ESRRG: variants seen among roughly 807,000 people sequenced by gnomAD.
ESRRG encodes the protein estrogen-related receptor gamma.
ESRRG carries 13 observed loss-of-function variants against 44.0 expected under a neutral mutation model. The ratio of observed to expected loss-of-function variants is 0.30; its 90% CI spans 0.19 to 0.47. The LOEUF (loss-of-function observed/expected upper bound fraction) is 0.47. ESRRG is among the 20% of genes least tolerant of loss of function. The pLI is 1.00. For synonymous variants in ESRRG, 215 were observed against 214.6 expected, an observed-to-expected ratio of 1.00 and a Z score of -0.02; for missense variants, 395 against 580.6, an observed-to-expected ratio of 0.68 and a Z score of 3.29.
At chr1:216,663,636 T>C (rs552711720) in intron 2 of ESRRG, among the ~76,000 whole-genome samples, 3 of 96,126 alleles carry the variant, frequency 3.1e-5, no homozygotes, top group African/African-American at 8.2e-5. Flanking sequence ...TCATTCATCA[T>C]AAGAAAAACA....
chr1:217,005,781 C>G (rs1033923994), intron 1 of ESRRG, among the ~76,000 whole-genome samples: 21 of 152,174 alleles, frequency 1.4e-4, no homozygotes, highest in Non-Finnish European at 2.4e-4. Context: ...TCAAAATTCT[C>G]TCTTCTTTTT....
chr1:216,754,475 A>C (rs1333958822), intron 2 of ESRRG, among the ~76,000 whole-genome samples: 1 of 151,990 alleles, frequency 6.6e-6, no homozygotes, highest in Non-Finnish European at 1.5e-5. Flanking sequence ...TCCTTTTGGG[A>C]GCATCTTTCC....
chr1:216,922,071 C>T (rs917146187), intron 2 of ESRRG, among the ~76,000 whole-genome samples: 3 of 152,222 alleles, frequency 2.0e-5, no homozygotes, highest in South Asian at 4.2e-4. Flanking sequence ...ACTGGAAGGC[C>T]ATGATCTATT....
At chr1:216,732,470 G>A (rs1359066058) in intron 2 of ESRRG, among the ~76,000 whole-genome samples, 9 of 151,254 alleles carry the variant, frequency 6.0e-5, no homozygotes, top group Non-Finnish European at 1.3e-4. Flanking sequence ...TCCACCTCCC[G>A]GATTCAAGCT....
chr1:217,108,574 C>G (rs1483602759), intron 1 of ESRRG, among the ~76,000 whole-genome samples: 1 of 152,100 alleles, frequency 6.6e-6, no homozygotes, highest in African/African-American at 2.4e-5. Context: ...TGGTTTAGCA[C>G]TATCCCCTTG....
At position 216,718,989 on chromosome 1, in the gene ESRRG, C is replaced by T. The variant is rs545882694; in HGVS notation, c.56+4255G>A. ...TTGCCATTTGTATGAAAAAGTATCT[C>T]TCATCAGCATATAATTTATTTTATA... On this transcript the variant is annotated intron_variant, in intron 1 of 6. Coordinates refer to ENST00000408911, the MANE Select transcript of ESRRG (RefSeq NM_001438.4). Among the ~76,000 whole-genome samples, 5 of 152,126 alleles carry T rather than the reference C, an allele frequency of 3.3e-5. No homozygotes were observed. The East Asian group carries it at 9.6e-4, about 29-fold the overall frequency.
At chr1:216,712,696 T>C (rs1296045163) in intron 1 of ESRRG, among the ~76,000 whole-genome samples, 1 of 152,194 alleles carries the variant, frequency 6.6e-6, no homozygotes, top group African/African-American at 2.4e-5. Context: ...CTTAAACCAT[T>C]ACATTTCCAG....
At chr1:216,705,100 C>T (rs533763476) in intron 1 of ESRRG, among the ~76,000 whole-genome samples, 4 of 152,060 alleles carry the variant, frequency 2.6e-5, no homozygotes, top group African/African-American at 4.8e-5. Context: ...AGTTTACAAT[C>T]GCTTTAAGTA....
chr1:216,617,082 C>T (rs1021135385), intron 3 of ESRRG, among the ~76,000 whole-genome samples: 2 of 152,258 alleles, frequency 1.3e-5, no homozygotes, highest in East Asian at 1.9e-4. Context: ...TTCTTTTCAA[C>T]ATTTTCAATG....
chr1:217,048,092 G>C (rs1382399936), intron 1 of ESRRG, among the ~76,000 whole-genome samples: 1 of 152,162 alleles, frequency 6.6e-6, no homozygotes, highest in Non-Finnish European at 1.5e-5. Flanking sequence ...CCTAACTAGA[G>C]GAGCCCAGAG....
At chr1:216,585,512 GA>G (rs11320052) in intron 3 of ESRRG, among the ~76,000 whole-genome samples, 143,355 of 148,264 alleles carry the variant, frequency 0.97, 69,447 homozygotes, top group East Asian at 1. Context: ...AATATTCACT[GA>G]AAAAAAAAAA....
chr1:216,606,812 C>G (rs2059991025), intron 3 of ESRRG, among the ~76,000 whole-genome samples: 1 of 152,116 alleles, frequency 6.6e-6, no homozygotes, highest in Non-Finnish European at 1.5e-5. Context: ...ATACATAGGT[C>G]AGGTTGAGAA....
chr1:216,762,560 T>C (rs921512395), intron 2 of ESRRG, among the ~76,000 whole-genome samples: 5 of 96,144 alleles, frequency 5.2e-5, no homozygotes, highest in Non-Finnish European at 1.0e-4. Flanking sequence ...TGTTGTGGGG[T>C]GGGGGGAGTG....
At position 216,612,165 on chromosome 1, in the gene ESRRG, G is replaced by C. The variant is rs138795711; in HGVS notation, c.589+38808C>G. 1.3e-3 allele frequency among the ~76,000 whole-genome samples: 204 copies of C among 152,298 alleles called. 1 individual carries two copies. The highest frequency in any genetic ancestry group is 4.6e-3 in the African/African-American group (193 of 41,562). ...GAAATTATCTATACTAAAGTAGCGGGAAAGGGGATGAACAGAAAGAGATGG... is the reference window on the plus strand; with the variant it reads ...GAAATTATCTATACTAAAGTAGCGGCAAAGGGGATGAACAGAAAGAGATGG... On this transcript the variant is annotated intron_variant, in intron 3 of 6. Coordinates refer to ENST00000408911, the MANE Select transcript of ESRRG (RefSeq NM_001438.4).
intron 1 of ESRRG, among the ~76,000 whole-genome samples, chr1:216,994,182 G>T (rs182311711): frequency 1.8e-4 from 27 of 152,270 alleles, no homozygotes; most frequent in African/African-American, 6.5e-4. Flanking sequence ...ACTGGTAATG[G>T]GCTATAGAGT....
At chr1:217,122,672 T>TTC (rs1054786049) in intron 1 of ESRRG, among the ~76,000 whole-genome samples, 1 of 146,876 alleles carries the variant, frequency 6.8e-6, no homozygotes, top group African/African-American at 2.5e-5. Context: ...CACTTTTTTT[T>TTC]TTTTTTTTTT....
chr1:216,587,616 C>G (rs1289082316), intron 3 of ESRRG, among the ~76,000 whole-genome samples: 2 of 152,142 alleles, frequency 1.3e-5, no homozygotes, highest in Admixed American at 6.5e-5. Flanking sequence ...CAAGAGAAGA[C>G]TTGTCTCCCT....
chr1:216,693,690 A>T (rs1366200739), intron 1 of ESRRG, among the ~76,000 whole-genome samples: 1 of 152,058 alleles, frequency 6.6e-6, no homozygotes. Flanking sequence ...AAAAGTCTGT[A>T]CATGTTCAGT....
intron 3 of ESRRG, among the ~76,000 whole-genome samples, chr1:216,623,844 C>T (rs910781746): frequency 2.0e-5 from 3 of 151,600 alleles, no homozygotes. Flanking sequence ...TAGCAAAATG[C>T]CCAGAAACAC....
Sources: allele counts gnomAD v4.1 joint callset (sites outside exome capture counted in the v4.1 genomes callset), GRCh38; gene constraint gnomAD v4.1.1; transcripts MANE v1.5; gene names NCBI Gene and HGNC (gene_info 2026-07-23, HGNC 2026-07-21).